LHFPL2: variants seen among roughly 807,000 people sequenced by gnomAD.
LHFPL2 encodes LHFPL tetraspan subfamily member 2, also known as LHFPL tetraspan subfamily member 2 protein.
In LHFPL2, 7 loss-of-function variants were observed where a neutral mutation model predicts 17.5. That is an observed-to-expected ratio of 0.40 (90% CI 0.23 to 0.75). LHFPL2 has a LOEUF of 0.75. LHFPL2 is among the 30% of genes least tolerant of loss of function. The probability of loss-of-function intolerance (pLI) is 0.37; values close to 1 mark genes in which losing one functional copy is unlikely to be tolerated. For synonymous variants in LHFPL2, 134 were observed against 116.2 expected (o/e 1.15, Z -0.99); for missense variants, 241 against 294.8 (o/e 0.82, Z 1.34).
rs548232873 is a variant in LHFPL2 at position 78,576,303 on chromosome 5, A to C, written c.-244-11432T>G. 6.1e-4 allele frequency among the ~76,000 whole-genome samples: 92 copies of C among 151,950 alleles called. No individual in the cohort carries two copies. In the Middle Eastern group the frequency reaches 0.01, roughly 17 times the overall value. ...GAGCGAGACTCCATCTCAAAAAAAA[A>C]AAAAAGATAAATTTTTACTCAAAAA... On this transcript the variant is annotated intron_variant, in intron 2 of 4. Coordinates refer to ENST00000380345, the MANE Select transcript of LHFPL2 (RefSeq NM_005779.3).
chr5:78,518,389 T>C (rs897376000), intron 3 of LHFPL2, among the ~76,000 whole-genome samples: 26 of 152,312 alleles, frequency 1.7e-4, no homozygotes, highest in African/African-American at 5.8e-4. Context: ...TTTTCCAACT[T>C]TCCCTAGTGA....
chr5:78,505,473 G>C (rs1389857477), intron 4 of LHFPL2, among the ~76,000 whole-genome samples: 3 of 152,134 alleles, frequency 2.0e-5, no homozygotes, highest in African/African-American at 7.2e-5. Context: ...GGAAGGGGAG[G>C]GGGAGGAAGG....
chr5:78,530,358 T>C (rs1254090207), intron 3 of LHFPL2, among the ~76,000 whole-genome samples: 3 of 152,254 alleles, frequency 2.0e-5, no homozygotes, highest in Non-Finnish European at 4.4e-5. Flanking sequence ...CTACTGTTTC[T>C]CTAATACTTC....
intron 2 of LHFPL2, chr5:78,590,284 T>C (rs1230904930): frequency 4.6e-5 from 7 of 152,208 alleles, no homozygotes; most frequent in Admixed American, 6.5e-5. Context: ...GGTCATTATC[T>C]TTCCGCCTTG....
intron 4 of LHFPL2, among the ~76,000 whole-genome samples, chr5:78,503,801 G>A (rs1754848808): frequency 6.6e-6 from 1 of 152,010 alleles, no homozygotes; most frequent in Non-Finnish European, 1.5e-5. Flanking sequence ...TTATGATATG[G>A]TTGAATTCTT....
At chr5:78,514,607 C>T (rs1157944849) in intron 3 of LHFPL2, among the ~76,000 whole-genome samples, 1 of 152,128 alleles carries the variant, frequency 6.6e-6, no homozygotes, top group Non-Finnish European at 1.5e-5. Flanking sequence ...GTATGTGAAG[C>T]CAGAACCACC....
chr5:78,494,435 A>T (rs1254694660), intron 4 of LHFPL2: 1 of 985,224 alleles, frequency 1.0e-6, no homozygotes, highest in Non-Finnish European at 1.2e-6. Context: ...AGACTCCAAC[A>T]TCCTCATCCC....
At chr5:78,599,650 T>G (rs555825021) in intron 2 of LHFPL2, among the ~76,000 whole-genome samples, 7 of 152,130 alleles carry the variant, frequency 4.6e-5, no homozygotes, top group Admixed American at 3.9e-4. Flanking sequence ...GAGACTATCA[T>G]GCCTACACAC....
At chr5:78,583,129 T>G (rs534382236) in intron 2 of LHFPL2, among the ~76,000 whole-genome samples, 48 of 151,934 alleles carry the variant, frequency 3.2e-4, no homozygotes, top group African/African-American at 1.0e-3. Flanking sequence ...GTTTTCCATT[T>G]GCTTGGTAGA....
At chr5:78,599,804 A>G (rs1743948915) in intron 2 of LHFPL2, among the ~76,000 whole-genome samples, 1 of 152,154 alleles carries the variant, frequency 6.6e-6, no homozygotes, top group African/African-American at 2.4e-5. Flanking sequence ...AACTGCTTCA[A>G]CCATTCTGAA....
chr5:78,530,567 T>A (rs1422757473), intron 3 of LHFPL2, among the ~76,000 whole-genome samples: 1 of 152,234 alleles, frequency 6.6e-6, no homozygotes, highest in Non-Finnish European at 1.5e-5. Context: ...CTACAGCAAC[T>A]GATAAGGCCT....
At chr5:78,630,604 G>A (rs758015459) in intron 2 of LHFPL2, among the ~76,000 whole-genome samples, 22 of 151,994 alleles carry the variant, frequency 1.4e-4, no homozygotes, top group Middle Eastern at 3.4e-3. Flanking sequence ...TTCTCCTTCA[G>A]GAAGCTGTAC....
intron 3 of LHFPL2, among the ~76,000 whole-genome samples, chr5:78,528,558 C>T (rs1192992409): frequency 6.6e-6 from 1 of 152,156 alleles, no homozygotes; most frequent in African/African-American, 2.4e-5. Flanking sequence ...AGGTTGGGGA[C>T]CGTTGCTCTA....
chr5:78,489,243 T>C (rs1451911185), intron 4 of LHFPL2, 90 bp from the exon 5 acceptor site: 3 of 1,466,700 alleles, frequency 2.0e-6, no homozygotes, highest in African/African-American at 2.8e-5. Flanking sequence ...TTTGCTTGCT[T>C]TGGGCAAGGG....
intron 2 of LHFPL2, among the ~76,000 whole-genome samples, chr5:78,586,322 G>T (rs906569289): frequency 6.6e-6 from 1 of 152,196 alleles, no homozygotes; most frequent in East Asian, 1.9e-4. Context: ...CACACGTACT[G>T]CCTGTTGCCA....
chr5:78,646,017 A>C (rs1441072308), intron 1 of LHFPL2, among the ~76,000 whole-genome samples: 1 of 152,186 alleles, frequency 6.6e-6, no homozygotes, highest in Admixed American at 6.5e-5. Context: ...TATCATGTTC[A>C]TTACTATAGT....
rs75370568 is a variant in LHFPL2 at position 78,562,102 on chromosome 5, T to C, written c.-186+2711A>G. Among the ~76,000 whole-genome samples the C allele has an allele frequency of 7.9e-3, 1,204 of 152,298 alleles. 13 individuals are homozygous for C. The highest frequency in any genetic ancestry group is 0.026 in the African/African-American group (1,068 of 41,552). On this transcript the variant is annotated intron_variant, in intron 3 of 4. Transcript: ENST00000380345. ...TCCACATGCTGTGCTCTTTCCATGA[T>C]ACCCAGTGCCAGGGAACAGGCAGAG...
At chr5:78,511,275 G>A (rs1755116358) in intron 3 of LHFPL2, among the ~76,000 whole-genome samples, 1 of 152,194 alleles carries the variant, frequency 6.6e-6, no homozygotes, top group Admixed American at 6.5e-5. Context: ...ATGTGCCTCT[G>A]CCTAAGCTTC....
intron 3 of LHFPL2, among the ~76,000 whole-genome samples, chr5:78,515,299 C>G (rs996276606): frequency 6.7e-6 from 1 of 150,238 alleles, no homozygotes; most frequent in Admixed American, 6.7e-5. Context: ...CCGACATTGA[C>G]TATTTGAAGA....
Sources: allele counts gnomAD v4.1 joint callset (sites outside exome capture counted in the v4.1 genomes callset), GRCh38; gene constraint gnomAD v4.1.1; transcripts MANE v1.5; gene names NCBI Gene and HGNC (gene_info 2026-07-23, HGNC 2026-07-21).